The following NPAS3 variants were observed in gnomAD, a reference collection of about 807,000 sequenced individuals.
The protein encoded by NPAS3 is neuronal PAS domain-containing protein 3.
Under a neutral mutation model 73.1 loss-of-function variants are expected in NPAS3, and 14 were observed. The observed-to-expected ratio is 0.19, with a 90% CI of 0.13 to 0.30. The LOEUF is 0.30. Ranked by LOEUF, NPAS3 falls within the 10% of genes least tolerant of loss-of-function variation. The pLI, the probability that NPAS3 is intolerant of heterozygous loss-of-function variation, is 1.00. For synonymous variants in NPAS3, 620 were observed against 541.5 expected, an observed-to-expected ratio of 1.14 and a Z score of -2.01; for missense variants, 1,096 against 1,250.0, an observed-to-expected ratio of 0.88 and a Z score of 1.86.
rs532146559 is a variant in NPAS3, at chr14:33,330,680, T to C, written c.386-36506T>C. On this transcript the variant is annotated intron_variant, in intron 3 of 11. Coordinates refer to ENST00000356141, the Ensembl canonical transcript of NPAS3. ...TGCATTTTTATAGTTATTGGACGTC[T>C]ATTCCAGAGGCCTTCTCAGAGGCCG... Among the ~76,000 whole-genome samples, 3 of 152,348 alleles carry C rather than the reference T, an allele frequency of 2.0e-5. No individual in the cohort carries two copies. The East Asian group carries it at 5.8e-4, about 29-fold the overall frequency.
At chr14:33,515,424 CTT>C (rs1409847563) in intron 4 of NPAS3, among the ~76,000 whole-genome samples, 3 of 152,154 alleles carry the variant, frequency 2.0e-5, no homozygotes, top group Admixed American at 6.6e-5. Context: ...ATTAATGAGA[CTT>C]CTCTTAGACC....
intron 7 of NPAS3, among the ~76,000 whole-genome samples, chr14:33,758,091 T>C (rs2062170736): frequency 1.3e-5 from 2 of 152,222 alleles, no homozygotes; most frequent in Admixed American, 1.3e-4. Context: ...TCAGAATTCT[T>C]CTGTGGTTCC....
At chr14:33,043,882 A>G (rs1316919887) in intron 1 of NPAS3, among the ~76,000 whole-genome samples, 2 of 152,140 alleles carry the variant, frequency 1.3e-5, no homozygotes, top group African/African-American at 4.8e-5. Context: ...AGATGAAAAT[A>G]TTTGCATATC....
intron 7 of NPAS3, among the ~76,000 whole-genome samples, chr14:33,768,409 C>G (rs147923829): frequency 6.6e-6 from 1 of 152,284 alleles, no homozygotes; most frequent in African/African-American, 2.4e-5. Flanking sequence ...AACACTGAGG[C>G]AGCTTTTACC....
intron 3 of NPAS3, among the ~76,000 whole-genome samples, chr14:33,320,314 C>T (rs2043384908): frequency 6.6e-6 from 1 of 152,048 alleles, no homozygotes; most frequent in African/African-American, 2.4e-5. Flanking sequence ...AGTGAAGAAA[C>T]TTAGAATGTT....
intron 2 of NPAS3, among the ~76,000 whole-genome samples, chr14:33,077,134 A>G (rs1241917514): frequency 1.3e-5 from 2 of 152,200 alleles, no homozygotes. Flanking sequence ...AAATAGGTCA[A>G]TTATAGAATA....
At chr14:33,672,142 C>T (rs923546756) in intron 5 of NPAS3, among the ~76,000 whole-genome samples, 18 of 152,154 alleles carry the variant, frequency 1.2e-4, no homozygotes, top group African/African-American at 4.1e-4. Context: ...AGATTGGAAA[C>T]AAGTGGGTTA....
intron 2 of NPAS3, among the ~76,000 whole-genome samples, chr14:33,179,376 AAC>A (rs1243666093): frequency 6.6e-6 from 1 of 152,206 alleles, no homozygotes; most frequent in Non-Finnish European, 1.5e-5. Flanking sequence ...GGAAAACAAA[AAC>A]AATTTTATCT....
At chr14:33,340,537 T>G (rs546212526) in intron 3 of NPAS3, among the ~76,000 whole-genome samples, 2 of 152,366 alleles carry the variant, frequency 1.3e-5, no homozygotes, top group South Asian at 4.1e-4. Context: ...CCATTTTATA[T>G]TTTGTTAATT....
intron 4 of NPAS3, among the ~76,000 whole-genome samples, chr14:33,471,177 C>T (rs17101317): frequency 0.11 from 16,678 of 152,202 alleles, 1,044 homozygotes; most frequent in African/African-American, 0.15. Flanking sequence ...AGTATCACAT[C>T]TGATGCTCAT....
intron 3 of NPAS3, among the ~76,000 whole-genome samples, chr14:33,325,512 G>A (rs960907079): frequency 5.3e-5 from 8 of 151,994 alleles, no homozygotes; most frequent in Admixed American, 1.3e-4. Context: ...TGGTTGTGGT[G>A]GTGGGTGCTT....
intron 5 of NPAS3, among the ~76,000 whole-genome samples, chr14:33,657,298 C>T (rs181930423): frequency 1.3e-5 from 2 of 152,174 alleles, no homozygotes; most frequent in East Asian, 3.9e-4. Flanking sequence ...GGAGAGAGGC[C>T]ACATACAGAA....
chr14:33,223,032 G>A (rs79148697), intron 3 of NPAS3, among the ~76,000 whole-genome samples: 13,123 of 152,140 alleles, frequency 0.086, 775 homozygotes, highest in Non-Finnish European at 0.12. Context: ...CAGAGGAGGC[G>A]CAGGTTAAAA....
At chr14:33,583,603 C>T (rs2056760032) in intron 5 of NPAS3, among the ~76,000 whole-genome samples, 1 of 152,046 alleles carries the variant, frequency 6.6e-6, no homozygotes, top group Non-Finnish European at 1.5e-5. Context: ...TCTGTAATTC[C>T]ATAGCAGAGA....
chr14:33,613,648 C>T (rs1490703420), intron 5 of NPAS3, among the ~76,000 whole-genome samples: 2 of 152,094 alleles, frequency 1.3e-5, no homozygotes. Context: ...CTGCACCAGC[C>T]TTCTCCCTTT....
intron 1 of NPAS3, among the ~76,000 whole-genome samples, chr14:33,009,719 T>A (rs1247348348): frequency 6.6e-6 from 1 of 152,142 alleles, no homozygotes; most frequent in Non-Finnish European, 1.5e-5. Flanking sequence ...TTTTTCTTCA[T>A]TATAAAGGTG....
At chr14:32,940,818 G>A (rs921050801) in intron 1 of NPAS3, among the ~76,000 whole-genome samples, 4 of 152,142 alleles carry the variant, frequency 2.6e-5, no homozygotes, top group Non-Finnish European at 5.9e-5. Flanking sequence ...TCATACGATA[G>A]GGAAGGCACA....
chr14:33,071,350 CT>C (rs1282201472), intron 2 of NPAS3, among the ~76,000 whole-genome samples: 1 of 152,188 alleles, frequency 6.6e-6, no homozygotes, highest in African/African-American at 2.4e-5. Context: ...CATGATTACG[CT>C]GCTTATGCAT....
chr14:33,149,909 A>G (rs1032902595), intron 2 of NPAS3, among the ~76,000 whole-genome samples: 1 of 152,072 alleles, frequency 6.6e-6, no homozygotes, highest in Non-Finnish European at 1.5e-5. Flanking sequence ...TACATTAGGT[A>G]TTTCCCTAAT....
Sources: gnomAD v4.1 joint callset for allele counts (sites outside exome capture counted in the v4.1 genomes callset) on GRCh38, gnomAD v4.1.1 for gene constraint, MANE v1.5 for transcripts, NCBI Gene and HGNC (gene_info 2026-07-23, HGNC 2026-07-21) for gene names.